The following KLHL14 variants were observed in gnomAD, a reference collection of about 807,000 sequenced individuals.
KLHL14 encodes kelch like family member 14.
A neutral mutation model predicts 64.3 loss-of-function variants in KLHL14; 22 were observed. That is an observed-to-expected ratio of 0.34 (90% CI 0.24 to 0.49). KLHL14 has a LOEUF of 0.49. Ranked by LOEUF, KLHL14 falls within the 20% of genes least tolerant of loss-of-function variation. The probability of loss-of-function intolerance (pLI) is 0.99; values close to 1 mark genes in which losing one functional copy is unlikely to be tolerated. For synonymous variants in KLHL14, 322 were observed against 333.4 expected (o/e 0.97, Z 0.37); for missense variants, 661 against 789.0 (o/e 0.84, Z 1.94).
chr18:32,682,725 T>C (rs1285409924), intron 5 of KLHL14, among the ~76,000 whole-genome samples: 1 of 152,204 alleles, frequency 6.6e-6, no homozygotes, highest in Non-Finnish European at 1.5e-5. Context: ...TTGAATATGA[T>C]AGGTCAAAGT....
At chr18:32,765,903 T>C (rs377153864) in intron 2 of KLHL14, among the ~76,000 whole-genome samples, 2 of 152,130 alleles carry the variant, frequency 1.3e-5, no homozygotes, top group African/African-American at 4.8e-5. Flanking sequence ...TCTCCTGTTG[T>C]TTATAAAATA....
At chr18:32,717,818 A>T (rs1241006190) in intron 3 of KLHL14, among the ~76,000 whole-genome samples, 1 of 152,216 alleles carries the variant, frequency 6.6e-6, no homozygotes, top group Non-Finnish European at 1.5e-5. Context: ...GCCAGGCACA[A>T]GTCTTGAGTA....
rs566168153 is a variant in KLHL14 at position 32,673,931 on chromosome 18, C to A, written c.*726G>T. The A allele has an allele frequency of 1.3e-5, 2 of 152,230 alleles. No individual in the cohort carries two copies. Among genetic ancestry groups the A allele is most frequent in the African/African-American group, 4.8e-5 (2 of 41,534 alleles). 9.4% of individuals were successfully genotyped at this position (152,230 alleles called of 1,614,324 possible). A position where few individuals can be genotyped will look rare whatever the true frequency, so the allele number is the denominator to read the frequency against. On this transcript the variant is annotated 3_prime_UTR_variant, in exon 9 of 9. Transcript: ENST00000359358. ...CAAACCTCCATGAACTGAATAGTGA[C>A]ATAATATATTTTGTTTTAATCTTTC... is the stretch of plus-strand genomic sequence containing the variant.
chr18:32,766,811 G>T lies in KLHL14; in HGVS notation c.947+2834C>A, dbSNP rs577685314. Among the ~76,000 whole-genome samples, 89 of 152,100 alleles carry T rather than the reference G, an allele frequency of 5.9e-4. 1 individual carries two copies. The highest frequency in any genetic ancestry group is 3.4e-3 in the Middle Eastern group (1 of 294). ...ATATTAATTTGAGTATTTGTATAAA[G>T]ATTTCATACTTGGGTTCCTTTACTT... On this transcript the variant is annotated intron_variant, in intron 2 of 8. Coordinates refer to ENST00000359358, the MANE Select transcript of KLHL14 (RefSeq NM_020805.3).
At chr18:32,763,171 A>T (rs1000192231) in intron 2 of KLHL14, among the ~76,000 whole-genome samples, 2 of 151,656 alleles carry the variant, frequency 1.3e-5, no homozygotes, top group African/African-American at 4.8e-5. Flanking sequence ...CTTTATTTAA[A>T]GTGCATTGGC....
Position 32,693,413 on chromosome 18 carries a change from C to CAGAGAGAG in KLHL14, c.1159+2042_1159+2049dup, listed in dbSNP as rs56135629. 4.8e-4 allele frequency among the ~76,000 whole-genome samples: 47 copies of CAGAGAGAG among 97,026 alleles called. 3 individuals carry two copies. The highest frequency in any genetic ancestry group is 4.1e-3 in the South Asian group (11 of 2,652). 63.7% of individuals were successfully genotyped at this position (97,026 alleles called of 152,430 possible). ...ACACACACACACACACACACACACA[C>CAGAGAGAG]AGAGAGAGAGAGAGAGAGAGAGAGA... On this transcript the variant is annotated intron_variant, in intron 4 of 8. Coordinates refer to ENST00000359358, the MANE Select transcript of KLHL14 (RefSeq NM_020805.3).
chr18:32,769,594 C>T, intron 2 of KLHL14, 51 bp downstream of exon 2: 1 of 894,604 alleles, frequency 1.1e-6, no homozygotes, highest in South Asian at 2.4e-5. Context: ...TCCCTCCGGC[C>T]TCTCTGGCTC....
chr18:32,680,118 A>C lies in KLHL14; in HGVS notation c.1588+51T>G, dbSNP rs2049830722. On this transcript the variant is annotated intron_variant, in intron 7 of 8. Coordinates refer to ENST00000359358, the MANE Select transcript of KLHL14 (RefSeq NM_020805.3). The surrounding 1 kb of genome is among the most constrained non-coding windows in gnomAD (Gnocchi z 4.8). ...AGGAGAAACCCCCTTAGCGAGAAATATGAGGTGCAAATGTTATTGTGACTA... is the reference window on the plus strand; with the variant it reads ...AGGAGAAACCCCCTTAGCGAGAAATCTGAGGTGCAAATGTTATTGTGACTA... 1.3e-6 allele frequency: 2 copies of C among 1,571,780 alleles called. No homozygotes were observed. Among genetic ancestry groups the C allele is most frequent in the Non-Finnish European group, 1.7e-6 (2 of 1,148,882 alleles).
chr18:32,751,255 A>G (rs2050250018), intron 2 of KLHL14, among the ~76,000 whole-genome samples: 1 of 152,192 alleles, frequency 6.6e-6, no homozygotes, highest in South Asian at 2.1e-4. Context: ...TTTTCCAGCG[A>G]AGTAAACTCC....
chr18:32,737,147 T>C (rs565167667), intron 3 of KLHL14, among the ~76,000 whole-genome samples: 1 of 152,276 alleles, frequency 6.6e-6, no homozygotes. Flanking sequence ...ACACTATCTA[T>C]GAACCCTACC....
intron 3 of KLHL14, among the ~76,000 whole-genome samples, chr18:32,736,622 G>A (rs1019465113): frequency 6.6e-6 from 1 of 151,996 alleles, no homozygotes; most frequent in African/African-American, 2.4e-5. Flanking sequence ...CATGTGATAT[G>A]GTTCTTGGTT....
At chr18:32,703,887 C>T (rs546223730) in intron 3 of KLHL14, among the ~76,000 whole-genome samples, 1 of 152,056 alleles carries the variant, frequency 6.6e-6, no homozygotes, top group Non-Finnish European at 1.5e-5. Context: ...GCTGCCATCT[C>T]TTTCAAAGGT....
At chr18:32,685,482 C>T (rs544166666) in intron 5 of KLHL14, among the ~76,000 whole-genome samples, 18 of 152,180 alleles carry the variant, frequency 1.2e-4, no homozygotes, top group Admixed American at 1.2e-3. Flanking sequence ...TTAAGTAAAA[C>T]TTTTTGGAAT....
At chr18:32,742,274 T>C (rs908545243) in intron 2 of KLHL14, among the ~76,000 whole-genome samples, 4 of 150,806 alleles carry the variant, frequency 2.7e-5, no homozygotes, top group African/African-American at 4.9e-5. Flanking sequence ...GCTCCCTTTA[T>C]GCAATTTGTT....
intron 4 of KLHL14, among the ~76,000 whole-genome samples, chr18:32,693,413 C>CACAGAGAGAGAGAGAGAGAGAG (rs1229737083): frequency 2.1e-5 from 2 of 97,018 alleles, no homozygotes; most frequent in African/African-American, 9.7e-5. Context: ...CACACACACA[C>CACAGAGAGAGAGAGAGAGAGAG]AGAGAGAGAG....
At chr18:32,708,989 C>T (rs562860416) in intron 3 of KLHL14, among the ~76,000 whole-genome samples, 3 of 152,328 alleles carry the variant, frequency 2.0e-5, no homozygotes, top group African/African-American at 7.2e-5. Flanking sequence ...TCCTTGTTTT[C>T]ATTCTTGTCC....
At chr18:32,685,142 G>A (rs991753688) in intron 5 of KLHL14, among the ~76,000 whole-genome samples, 15 of 152,202 alleles carry the variant, frequency 9.9e-5, no homozygotes, top group South Asian at 2.1e-4. Context: ...GCTGCCGGGC[G>A]CCGACAGACC....
chr18:32,706,149 A>G (rs2049989149), intron 3 of KLHL14, among the ~76,000 whole-genome samples: 2 of 152,186 alleles, frequency 1.3e-5, no homozygotes, highest in Admixed American at 1.3e-4. Context: ...CAGTCTTCCA[A>G]TGGCCATTTC....
chr18:32,707,205 CT>C (rs2049994793), intron 3 of KLHL14, among the ~76,000 whole-genome samples: 1 of 152,222 alleles, frequency 6.6e-6, no homozygotes, highest in Admixed American at 6.5e-5. Context: ...AAACTCAGCT[CT>C]ATATCAGTTG....
Sources: gnomAD v4.1 joint callset for allele counts (sites outside exome capture counted in the v4.1 genomes callset) on GRCh38, gnomAD v4.1.1 for gene constraint, Gnocchi (gnomAD v3.1) non-coding constraint, MANE v1.5 for transcripts, NCBI Gene and HGNC (gene_info 2026-07-23, HGNC 2026-07-21) for gene names.